Variants in CADPS observed in about 807,000 individuals in gnomAD.
CADPS encodes calcium-dependent secretion activator 1.
A neutral mutation model predicts 167.3 loss-of-function variants in CADPS; 57 were observed. That is an observed-to-expected ratio of 0.34 (90% CI 0.28 to 0.42). CADPS has a LOEUF of 0.42. Ranked by LOEUF, CADPS falls within the 20% of genes least tolerant of loss-of-function variation. CADPS has a pLI of 1.00. For missense variants in CADPS, 1,414 were observed against 1,738.1 expected (o/e 0.81, Z 3.32); for synonymous variants, 676 against 635.3 (o/e 1.06, Z -0.96).
chr3:62,692,630 C>T (rs2079384503), intron 3 of CADPS, among the ~76,000 whole-genome samples: 3 of 152,078 alleles, frequency 2.0e-5, no homozygotes, highest in African/African-American at 7.2e-5. Flanking sequence ...AGATGCCATT[C>T]CTTTCAACTC....
At chr3:62,491,727 C>T (rs1002611885) in intron 20 of CADPS, among the ~76,000 whole-genome samples, 2 of 152,130 alleles carry the variant, frequency 1.3e-5, no homozygotes, top group Admixed American at 6.6e-5. Context: ...AAAGGAAAAA[C>T]GATCATGCTA....
At chr3:62,457,488 A>G (rs906483887) in intron 26 of CADPS, among the ~76,000 whole-genome samples, 2 of 152,266 alleles carry the variant, frequency 1.3e-5, no homozygotes, top group Non-Finnish European at 2.9e-5. Flanking sequence ...TTGGCATTAA[A>G]ATAAAACACA....
chr3:62,649,632 C>T (rs1341053441), intron 5 of CADPS, among the ~76,000 whole-genome samples: 1 of 132,842 alleles, frequency 7.5e-6, no homozygotes, highest in African/African-American at 2.8e-5. Context: ...ATGATTATGG[C>T]TCACTGCAGC....
At chr3:62,634,135 T>C (rs1336980513) in intron 6 of CADPS, among the ~76,000 whole-genome samples, 1 of 152,208 alleles carries the variant, frequency 6.6e-6, no homozygotes, top group Non-Finnish European at 1.5e-5. Context: ...AGCCTTATCT[T>C]ATTTCATTTA....
At chr3:62,870,802 C>T (rs1278231311) in intron 1 of CADPS, among the ~76,000 whole-genome samples, 2 of 152,080 alleles carry the variant, frequency 1.3e-5, no homozygotes, top group African/African-American at 4.8e-5. Flanking sequence ...TTTTACATTC[C>T]CTCACTATAA....
chr3:62,776,717 G>C (rs1293466449), intron 1 of CADPS, among the ~76,000 whole-genome samples: 1 of 152,132 alleles, frequency 6.6e-6, no homozygotes, highest in African/African-American at 2.4e-5. Flanking sequence ...AGTTCTGGGG[G>C]TTAGCATAGA....
chr3:62,510,190 G>T (rs146196991), intron 17 of CADPS, among the ~76,000 whole-genome samples: 10 of 18,834 alleles, frequency 5.3e-4, no homozygotes, highest in Admixed American at 3.6e-3. Flanking sequence ...ACCTATTTCT[G>T]CATCTATCTA....
chr3:62,597,406 GT>G (rs2059084584), intron 6 of CADPS, among the ~76,000 whole-genome samples: 1 of 152,070 alleles, frequency 6.6e-6, no homozygotes, highest in Admixed American at 6.6e-5. Context: ...ATTATACTTG[GT>G]CATGGGGAAG....
At chr3:62,815,291 C>T (rs1439635776) in intron 1 of CADPS, among the ~76,000 whole-genome samples, 2 of 25,352 alleles carry the variant, frequency 7.9e-5, no homozygotes, top group African/African-American at 6.5e-4. Flanking sequence ...TCTACTGCTA[C>T]ATAAAAAAAA....
intron 3 of CADPS, among the ~76,000 whole-genome samples, chr3:62,708,162 G>A (rs2082676378): frequency 6.6e-6 from 1 of 151,920 alleles, no homozygotes; most frequent in South Asian, 2.1e-4. Context: ...GAGCTCAAGT[G>A]ATCTGCTTGC....
chr3:62,812,595 C>A (rs1486468405), intron 1 of CADPS, among the ~76,000 whole-genome samples: 1 of 152,206 alleles, frequency 6.6e-6, no homozygotes, highest in African/African-American at 2.4e-5. Context: ...AAACAACTGG[C>A]ATGTGCTGCT....
intron 21 of CADPS, among the ~76,000 whole-genome samples, chr3:62,485,426 G>A (rs1399197667): frequency 2.6e-5 from 4 of 151,992 alleles, no homozygotes; most frequent in African/African-American, 9.7e-5. Flanking sequence ...CTCAAGCTAC[G>A]TTTTTCATGA....
intron 4 of CADPS, among the ~76,000 whole-genome samples, chr3:62,651,290 A>T (rs1444136394): frequency 6.6e-6 from 1 of 152,230 alleles, no homozygotes; most frequent in African/African-American, 2.4e-5. Context: ...ACAGGTAAGA[A>T]ACACGTACAT....
intron 13 of CADPS, chr3:62,530,882 C>T (rs752900692): frequency 2.8e-4 from 213 of 751,890 alleles, no homozygotes; most frequent in Non-Finnish European, 3.3e-4. Context: ...CAAGAGCACA[C>T]GCACATGCAC....
intron 3 of CADPS, among the ~76,000 whole-genome samples, chr3:62,686,407 G>A (rs548845746): frequency 1.3e-5 from 2 of 152,144 alleles, no homozygotes; most frequent in East Asian, 1.9e-4. Flanking sequence ...ACAGAAAGGC[G>A]TCTTTGGCCC....
intron 8 of CADPS, among the ~76,000 whole-genome samples, chr3:62,576,803 A>T (rs1353999238): frequency 6.7e-6 from 1 of 149,110 alleles, no homozygotes; most frequent in Admixed American, 6.7e-5. Context: ...AAAAAAAAAA[A>T]AAAAAAAAAA....
chr3:62,620,017 A>G (rs952521051), intron 6 of CADPS, among the ~76,000 whole-genome samples: 1 of 151,664 alleles, frequency 6.6e-6, no homozygotes, highest in African/African-American at 2.4e-5. Context: ...GTGTGGTTGG[A>G]GCATTGCATT....
intron 3 of CADPS, among the ~76,000 whole-genome samples, chr3:62,689,760 C>T (rs1395443): frequency 0.87 from 132,925 of 152,000 alleles, 58,285 homozygotes; most frequent in East Asian, 0.98. Flanking sequence ...TAAATCAATT[C>T]ACACAATGTG....
chr3:62,731,961 T>C (rs1172163856), intron 3 of CADPS, among the ~76,000 whole-genome samples: 2 of 151,608 alleles, frequency 1.3e-5, no homozygotes, highest in Non-Finnish European at 2.9e-5. Flanking sequence ...AGCTGAAACA[T>C]AACAGATGAG....
Sources: allele counts gnomAD v4.1 joint callset (sites outside exome capture counted in the v4.1 genomes callset), GRCh38; gene constraint gnomAD v4.1.1; transcripts MANE v1.5; gene names NCBI Gene and HGNC (gene_info 2026-07-23, HGNC 2026-07-21).